ZNF695: variants seen among roughly 807,000 people sequenced by gnomAD.
ZNF695 encodes the protein zinc finger protein SBZF3.
In ZNF695, 11 loss-of-function variants were observed where a neutral mutation model predicts 11.2. That is an observed-to-expected ratio of 0.98 (90% CI 0.62 to 1.62). ZNF695 has a LOEUF of 1.62. Ranked by LOEUF, ZNF695 falls within the 40% of genes most tolerant of loss-of-function variation. ZNF695 has a pLI of 0.00. For missense variants in ZNF695, 559 were observed against 590.5 expected (o/e 0.95, Z 0.55); for synonymous variants, 190 against 201.4 (o/e 0.94, Z 0.48).
chr1:246,960,578 CT>C (rs753682537), intron 5 of ZNF695, among the ~76,000 whole-genome samples: 8 of 152,160 alleles, frequency 5.3e-5, no homozygotes, highest in Non-Finnish European at 1.0e-4. Context: ...AAGACAAGTT[CT>C]TTTCTTCATT....
rs185949656 is a variant in ZNF695, at chr1:246,987,911, G to C, written c.604C>G (p.Gln202Glu). Residue 202 changes from glutamine (Q) to glutamate (E), a missense_variant, in exon 4 of 4, where the codon CAG (glutamine) becomes GAG (glutamate). Transcript: ENST00000339986. Reference protein sequence around the residue: ...VSCMSLIMTQQQRIHIGENPY... With the variant: ...VSCMSLIMTQEQRIHIGENPY... Reference sequence around the variant, plus strand: ...TTCTCTCCAATATGGATTCTCTGCTGTTGAGTCATTATTAAAGACATGCAA... The same window carrying C: ...TTCTCTCCAATATGGATTCTCTGCTCTTGAGTCATTATTAAAGACATGCAA... 28 of 1,610,614 alleles carry C rather than the reference G, an allele frequency of 1.7e-5. No homozygotes were observed. Among genetic ancestry groups the C allele is most frequent in the Middle Eastern group, 1.7e-4 (1 of 6,044 alleles).
intron 1 of ZNF695, among the ~76,000 whole-genome samples, chr1:247,004,502 G>C (rs955556438): frequency 3.3e-5 from 5 of 152,038 alleles, no homozygotes; most frequent in Non-Finnish European, 5.9e-5. Flanking sequence ...AGGAAAAACT[G>C]ACAGCTATAC....
At chr1:246,966,352 G>A (rs565012368) in intron 5 of ZNF695, among the ~76,000 whole-genome samples, 6 of 152,140 alleles carry the variant, frequency 3.9e-5, no homozygotes, top group Non-Finnish European at 7.4e-5. Context: ...ATGGTGGCAG[G>A]TACCTGTAAT....
At chr1:246,961,351 GTAGA>G (rs1668159392) in intron 5 of ZNF695, among the ~76,000 whole-genome samples, 1 of 152,112 alleles carries the variant, frequency 6.6e-6, no homozygotes, top group African/African-American at 2.4e-5. Context: ...TCATGTGCAC[GTAGA>G]TACTCGATAA....
intron 1 of ZNF695, among the ~76,000 whole-genome samples, chr1:247,004,216 GAAC>G (rs922335418): frequency 6.6e-6 from 1 of 151,980 alleles, no homozygotes; most frequent in Non-Finnish European, 1.5e-5. Flanking sequence ...ATCTCAAAAA[GAAC>G]AACAACAAAA....
In ZNF695 at chr1:246,986,653, A is replaced by G; in HGVS notation, c.*314T>C. ...TTGAACAAATGTTGTTTCTGCATTT[A>G]TTACATTTGTAGGGTTTCTCTCCAA... On this transcript the variant is annotated 3_prime_UTR_variant, in exon 4 of 4. Transcript: ENST00000339986. 9.4e-7 allele frequency: 1 copy of G among 1,058,964 alleles called. No individual in the cohort carries two copies. The highest frequency in any genetic ancestry group is 1.1e-6 in the Non-Finnish European group (1 of 878,154). The allele number at this position is 1,058,964 out of a possible 1,614,324, so 65.6% of individuals were successfully genotyped here. A position where few individuals can be genotyped will look rare whatever the true frequency, so the allele number is the denominator to read the frequency against.
intron 3 of ZNF695, 144 bp downstream of exon 3, chr1:246,999,204 C>T (rs1669290613): frequency 1.6e-6 from 1 of 642,278 alleles, no homozygotes; most frequent in African/African-American, 1.8e-5. Flanking sequence ...AGAAGATGCC[C>T]CTATGTGGGA....
chr1:247,007,597 C>G (rs943315816), intron 1 of ZNF695, among the ~76,000 whole-genome samples: 1 of 152,106 alleles, frequency 6.6e-6, no homozygotes, highest in Non-Finnish European at 1.5e-5. Context: ...ACAACCCCTC[C>G]GTCATCACAG....
Position 246,987,914 on chromosome 1 carries a change from G to T in ZNF695, c.601C>A (p.Gln201Lys). The T allele has an allele frequency of 6.2e-7, 1 of 1,610,598 alleles. No homozygotes were observed. Among genetic ancestry groups the T allele is most frequent in the Non-Finnish European group, 8.5e-7 (1 of 1,179,058 alleles). ...TCTCCAATATGGATTCTCTGCTGTT[G>T]AGTCATTATTAAAGACATGCAAGAG... The part of the protein sequence containing the change: ...NVSCMSLIMT[Q>K]QQRIHIGENP... Residue 201 changes from glutamine to lysine, a missense_variant, in exon 4 of 4, where the codon CAA becomes AAA. Gln to Lys is a moderately conservative substitution (Grantham distance 53). Coordinates refer to ENST00000339986, the MANE Select transcript of ZNF695 (RefSeq NM_020394.5).
chr1:246,980,201 A>C (rs1253378629), intron 4 of ZNF695, among the ~76,000 whole-genome samples: 4 of 151,064 alleles, frequency 2.6e-5, no homozygotes, highest in Admixed American at 6.6e-5. Flanking sequence ...AAAAAAAAAA[A>C]AAACTTATGC....
intron 4 of ZNF695, among the ~76,000 whole-genome samples, chr1:246,976,096 C>T (rs977156071): frequency 1.4e-4 from 21 of 152,002 alleles, no homozygotes; most frequent in African/African-American, 3.9e-4. Flanking sequence ...GTGAGGGAGA[C>T]GCTGAGGGAG....
intron 1 of ZNF695, among the ~76,000 whole-genome samples, chr1:247,004,652 G>A (rs1669484718): frequency 6.6e-6 from 1 of 152,150 alleles, no homozygotes; most frequent in South Asian, 2.1e-4. Context: ...ATCCTTGTTT[G>A]CAAATGATAT....
In ZNF695 at chr1:246,987,580, G is replaced by A. The variant is rs1260025783; in HGVS notation, c.935C>T (p.Thr312Ile). Residue 312 changes from threonine to isoleucine, a missense_variant, in exon 4 of 4, where the codon ACT becomes ATT. Coordinates refer to ENST00000339986, the MANE Select transcript of ZNF695 (RefSeq NM_020394.5). ...GKSFKLFPYLTQHKRIHSREK... is the reference protein window; with the variant it reads ...GKSFKLFPYLIQHKRIHSREK... ...TCTACTATGAATTCTCTTGTGTTGAGTAAGGTATGGGAACAACTTAAAGGA... is the reference window on the plus strand; with the variant it reads ...TCTACTATGAATTCTCTTGTGTTGAATAAGGTATGGGAACAACTTAAAGGA... 5.6e-6 allele frequency: 9 copies of A among 1,597,530 alleles called. No homozygotes were observed. The highest frequency in any genetic ancestry group is 7.7e-6 in the Non-Finnish European group (9 of 1,173,910).
intron 5 of ZNF695, chr1:246,945,975 G>GTGGCTCACACCTGC: frequency 1.0e-6 from 1 of 978,962 alleles, no homozygotes; most frequent in Non-Finnish European, 1.5e-6. Context: ...AATTCACGCA[G>GTGGCTCACACCTGC]GTGTGAGCCA....
At chr1:246,996,672 T>C (rs1378780718) in intron 3 of ZNF695, among the ~76,000 whole-genome samples, 1 of 152,222 alleles carries the variant, frequency 6.6e-6, no homozygotes, top group Non-Finnish European at 1.5e-5. Context: ...CATGCCTGTA[T>C]CAAAGTATCT....
At chr1:246,967,090 C>T (rs555803207) in intron 5 of ZNF695, among the ~76,000 whole-genome samples, 7 of 152,222 alleles carry the variant, frequency 4.6e-5, no homozygotes, top group African/African-American at 1.7e-4. Context: ...AGGCATGCGC[C>T]ACCATGCCTG....
intron 1 of ZNF695, 142 bp downstream of exon 1, chr1:247,007,764 G>T: frequency 2.1e-6 from 2 of 954,564 alleles, no homozygotes; most frequent in Non-Finnish European, 2.8e-6. Context: ...ACTGAGGGCC[G>T]AGCTGCGCCA....
chr1:247,001,712 CAAAAAA>C (rs56131097), intron 1 of ZNF695, among the ~76,000 whole-genome samples: 1 of 79,280 alleles, frequency 1.3e-5, no homozygotes, highest in Non-Finnish European at 2.4e-5. Context: ...GACTTCGTCT[CAAAAAA>C]AAAAAAAAAA....
chr1:246,974,147 AAC>A (rs200727076), intron 4 of ZNF695, among the ~76,000 whole-genome samples: 19,083 of 111,064 alleles, frequency 0.17, 1,193 homozygotes, highest in Middle Eastern at 0.22. Flanking sequence ...TGGAATAAAA[AAC>A]AAACAAACAA....
Sources: allele counts gnomAD v4.1 joint callset (sites outside exome capture counted in the v4.1 genomes callset), GRCh38; gene constraint gnomAD v4.1.1; transcripts MANE v1.5; gene names NCBI Gene and HGNC (gene_info 2026-07-23, HGNC 2026-07-21).